Variants in NAPEPLD observed in about 807,000 individuals in gnomAD.
The protein encoded by NAPEPLD is N-acyl-phosphatidylethanolamine-hydrolyzing phospholipase D.
A neutral mutation model predicts 38.1 loss-of-function variants in NAPEPLD; 23 were observed. The ratio of observed to expected loss-of-function variants is 0.60; its 90% confidence interval spans 0.43 to 0.86. NAPEPLD has a LOEUF of 0.86. NAPEPLD is among the 40% of genes least tolerant of loss of function. The pLI is 0.00. For synonymous variants in NAPEPLD, 147 were observed against 162.0 expected (o/e 0.91, Z 0.71); for missense variants, 411 against 476.8 (o/e 0.86, Z 1.28).
intron 1 of NAPEPLD, among the ~76,000 whole-genome samples, chr7:103,134,947 GCTTT>G (rs1165585413): frequency 2.0e-5 from 3 of 152,166 alleles, no homozygotes; most frequent in Non-Finnish European, 4.4e-5. Context: ...AATGTTTCAT[GCTTT>G]CTTTTTTCAA....
chr7:103,145,009 C>T (rs2129537364), intron 1 of NAPEPLD, among the ~76,000 whole-genome samples: 1 of 149,890 alleles, frequency 6.7e-6, no homozygotes, highest in South Asian at 2.2e-4. Flanking sequence ...AGACTCTTGT[C>T]TCAAAAAAAA....
intron 4 of NAPEPLD, 26 bp from the exon 5 acceptor site, chr7:103,103,580 A>T: frequency 6.4e-7 from 1 of 1,566,522 alleles, no homozygotes; most frequent in Non-Finnish European, 8.6e-7. Context: ...GAAGAAAAAT[A>T]GAAAAAGATT....
intron 2 of NAPEPLD, among the ~76,000 whole-genome samples, chr7:103,122,287 G>A (rs769983274): frequency 6.6e-6 from 1 of 151,984 alleles, no homozygotes; most frequent in Non-Finnish European, 1.5e-5. Flanking sequence ...ATGCATGCAT[G>A]TGCACACACA....
intron 1 of NAPEPLD, among the ~76,000 whole-genome samples, chr7:103,140,800 C>A (rs1811137400): frequency 6.6e-6 from 1 of 152,070 alleles, no homozygotes; most frequent in Non-Finnish European, 1.5e-5. Flanking sequence ...TAATAATCTA[C>A]CTGACTTCCC....
rs1481004329 is a variant in NAPEPLD, at chr7:103,099,924, G to C, written c.*3505C>G. 1.3e-5 allele frequency: 2 copies of C among 152,056 alleles called. No individual in the cohort carries two copies. The highest frequency in any genetic ancestry group is 6.6e-5 in the Admixed American group (1 of 15,254). 9.4% of individuals were successfully genotyped at this position (152,056 alleles called of 1,614,324 possible). A position where few individuals can be genotyped will look rare whatever the true frequency, so the allele number is the denominator to read the frequency against. ...ATCTGGGATTCAGCCAGGTCTTATA[G>C]TATTTAAATTTATAACCCCTGCCAT... On this transcript the variant is annotated 3_prime_UTR_variant, in exon 5 of 5. Transcript: ENST00000465647.
intron 1 of NAPEPLD, among the ~76,000 whole-genome samples, chr7:103,131,895 C>T (rs1465979308): frequency 6.6e-6 from 1 of 152,090 alleles, no homozygotes; most frequent in Non-Finnish European, 1.5e-5. Flanking sequence ...GCGAGTGGAT[C>T]ACGAGGTCAG....
In NAPEPLD at chr7:103,101,337, T is replaced by C. The variant is rs185287917; in HGVS notation, c.*2092A>G. 27 of 152,250 alleles carry C rather than the reference T, an allele frequency of 1.8e-4. No homozygotes were observed. The highest frequency in any genetic ancestry group is 6.5e-4 in the African/African-American group (27 of 41,566). 9.4% of individuals were successfully genotyped at this position (152,250 alleles called of 1,614,324 possible). A position where few individuals can be genotyped will look rare whatever the true frequency, so the allele number is the denominator to read the frequency against. ...TTCGCATACATCATATACACACACA[T>C]TGCATACACATTTCCCCTTGACTGA... On this transcript the variant is annotated 3_prime_UTR_variant, in exon 5 of 5. Coordinates refer to ENST00000465647, the MANE Select transcript of NAPEPLD (RefSeq NM_001122838.3).
chr7:103,116,092 C>T (rs1805510336), intron 3 of NAPEPLD, among the ~76,000 whole-genome samples: 2 of 151,808 alleles, frequency 1.3e-5, no homozygotes, highest in South Asian at 2.1e-4. Flanking sequence ...GATTGAGTCT[C>T]ACTCTGTCGC....
intron 4 of NAPEPLD, among the ~76,000 whole-genome samples, chr7:103,111,102 A>G (rs1389633082): frequency 1.3e-5 from 2 of 152,212 alleles, no homozygotes; most frequent in Non-Finnish European, 2.9e-5. Flanking sequence ...GCTCAAGGAA[A>G]TAAGAGAGGA....
upstream of NAPEPLD, chr7:103,149,413 C>T: frequency 2.4e-6 from 3 of 1,231,376 alleles, no homozygotes; most frequent in South Asian, 2.6e-5. Flanking sequence ...TAACCCGAGC[C>T]CGCCGCGCTG....
chr7:103,149,033 G>C lies in NAPEPLD; in HGVS notation c.-239C>G. 3.0e-6 allele frequency: 3 copies of C among 985,362 alleles called. No individual in the cohort carries two copies. Among genetic ancestry groups the C allele is most frequent in the Non-Finnish European group, 2.4e-6 (2 of 829,948 alleles). The allele number at this position is 985,362 out of a possible 1,614,324, so 61.0% of individuals were successfully genotyped here. ...CCGAGATGAGGGAGGGCTCGGGGAC[G>C]GGAAACCCACTCTCAGCCCGCTCCA... On this transcript the variant is annotated 5_prime_UTR_variant, in exon 1 of 5. Transcript: ENST00000465647.
chr7:103,144,562 A>T (rs577857969), intron 1 of NAPEPLD, among the ~76,000 whole-genome samples: 17 of 152,208 alleles, frequency 1.1e-4, no homozygotes, highest in African/African-American at 4.1e-4. Context: ...TGCTTTCAAA[A>T]GGTGTCTCAG....
At chr7:103,143,132 T>C (rs114161069) in intron 1 of NAPEPLD, among the ~76,000 whole-genome samples, 8,202 of 151,082 alleles carry the variant, frequency 0.054, 300 homozygotes, top group African/African-American at 0.1. Flanking sequence ...CGGGCTGAGA[T>C]AGGAGGATTG....
At chr7:103,128,401 C>A (rs1808253281) in intron 2 of NAPEPLD, 82 bp downstream of exon 2, 1 of 1,498,852 alleles carries the variant, frequency 6.7e-7, no homozygotes, top group Non-Finnish European at 9.1e-7. Flanking sequence ...AATTCTATGC[C>A]TTATGATATA....
rs897980231 is a variant in NAPEPLD at position 103,149,097 on chromosome 7, T to G, written c.-303A>C. The G allele has an allele frequency of 7.1e-6, 7 of 985,310 alleles. No individual in the cohort carries two copies. The African/African-American group carries it at 1.1e-4, about 15-fold the overall frequency. The allele number at this position is 985,310 out of a possible 1,614,324, so 61.0% of individuals were successfully genotyped here. The stretch of plus-strand genomic sequence containing the variant: ...TTCCAAACCACCCCAGGCTCAGCAG[T>G]GTGGATTGCTCCGCCCAGAGACCGT... On this transcript the variant is annotated 5_prime_UTR_variant, in exon 1 of 5. Transcript: ENST00000465647.
intron 3 of NAPEPLD, among the ~76,000 whole-genome samples, chr7:103,118,477 G>C (rs1398899982): frequency 6.6e-6 from 1 of 151,972 alleles, no homozygotes; most frequent in African/African-American, 2.4e-5. Context: ...ATAAAAATAG[G>C]GACAAAATCG....
At chr7:103,131,519 C>T (rs547622719) in intron 1 of NAPEPLD, among the ~76,000 whole-genome samples, 2 of 151,972 alleles carry the variant, frequency 1.3e-5, no homozygotes, top group East Asian at 1.9e-4. Context: ...AGTAGCCGGG[C>T]GTGGTGGACC....
intron 2 of NAPEPLD, among the ~76,000 whole-genome samples, chr7:103,125,887 CAAA>C (rs1234462763): frequency 1.4e-3 from 106 of 74,514 alleles, no homozygotes; most frequent in African/African-American, 5.1e-3. Flanking sequence ...GACTCTGTCT[CAAA>C]AATAATAATA....
At chr7:103,138,493 A>G (rs1356005385) in intron 1 of NAPEPLD, among the ~76,000 whole-genome samples, 6 of 140,902 alleles carry the variant, frequency 4.3e-5, no homozygotes, top group Admixed American at 2.9e-4. Context: ...TTTGAGTCAG[A>G]GTTTTGCTTT....
Sources: allele counts gnomAD v4.1 joint callset (sites outside exome capture counted in the v4.1 genomes callset), GRCh38; gene constraint gnomAD v4.1.1; transcripts MANE v1.5; gene names NCBI Gene and HGNC (gene_info 2026-07-23, HGNC 2026-07-21).